The following CASQ2 variants were observed in gnomAD, a reference collection of about 807,000 sequenced individuals.
CASQ2 encodes calsequestrin 2.
Under a neutral mutation model 46.5 loss-of-function variants are expected in CASQ2, and 49 were observed. That is an observed-to-expected ratio of 1.05 (90% CI 0.84 to 1.34). CASQ2 has a LOEUF of 1.34. CASQ2 is among the 40% of genes most tolerant of loss of function. CASQ2 has a pLI of 0.00. For missense variants in CASQ2, 486 were observed against 481.3 expected (o/e 1.01, Z -0.09); for synonymous variants, 174 against 168.5 (o/e 1.03, Z -0.25).
intron 2 of CASQ2, 116 bp downstream of exon 2, chr1:115,744,712 T>C: frequency 4.1e-6 from 3 of 732,668 alleles, no homozygotes; most frequent in Non-Finnish European, 7.4e-6. Context: ...TGCAGGATCA[T>C]TTTATATATT....
chr1:115,742,514 C>T (rs1648221835), intron 2 of CASQ2, among the ~76,000 whole-genome samples: 1 of 152,128 alleles, frequency 6.6e-6, no homozygotes, highest in African/African-American at 2.4e-5. Context: ...ATCAAATAAC[C>T]GGAAGGAACC....
At chr1:115,749,086 C>A (rs1242934978) in intron 1 of CASQ2, among the ~76,000 whole-genome samples, 3 of 152,194 alleles carry the variant, frequency 2.0e-5, no homozygotes, top group African/African-American at 7.2e-5. Flanking sequence ...TCAGCACATC[C>A]AAAGTGATAT....
intron 8 of CASQ2, among the ~76,000 whole-genome samples, chr1:115,709,884 C>G (rs950437635): frequency 6.6e-6 from 1 of 152,130 alleles, no homozygotes; most frequent in Non-Finnish European, 1.5e-5. Flanking sequence ...GCTCTGTTCC[C>G]CAGGCTGAAA....
chr1:115,710,953 C>T (rs563925437), intron 8 of CASQ2, among the ~76,000 whole-genome samples: 2 of 152,142 alleles, frequency 1.3e-5, no homozygotes, highest in Non-Finnish European at 2.9e-5. Flanking sequence ...GGGAATGAGC[C>T]TTCACCAAGC....
At chr1:115,702,887 G>T (rs780781062) in intron 10 of CASQ2, 34 bp downstream of exon 10, 2 of 1,527,828 alleles carry the variant, frequency 1.3e-6, no homozygotes, top group Non-Finnish European at 1.8e-6. Context: ...GCAGGCCAAG[G>T]GTGCCTGAGC....
intron 3 of CASQ2, among the ~76,000 whole-genome samples, chr1:115,738,547 C>T (rs1003977669): frequency 1.3e-5 from 2 of 152,134 alleles, no homozygotes; most frequent in Non-Finnish European, 2.9e-5. Flanking sequence ...TTGGTGGGGG[C>T]AACCTATTCC....
At chr1:115,704,755 C>T (rs553473878) in intron 9 of CASQ2, among the ~76,000 whole-genome samples, 2 of 152,322 alleles carry the variant, frequency 1.3e-5, no homozygotes, top group South Asian at 2.1e-4. Flanking sequence ...ACATGACAGG[C>T]ACGCTCGCTT....
At chr1:115,726,945 A>G (rs1300580035) in intron 6 of CASQ2, 47 bp downstream of exon 6, 2 of 1,411,682 alleles carry the variant, frequency 1.4e-6, no homozygotes, top group South Asian at 1.2e-5. Flanking sequence ...GCTCCTCTCC[A>G]TTCCCCAGAC....
chr1:115,732,570 G>A (rs1647826079), intron 5 of CASQ2, among the ~76,000 whole-genome samples: 1 of 152,144 alleles, frequency 6.6e-6, no homozygotes, highest in South Asian at 2.1e-4. Flanking sequence ...GAAGGGAGAG[G>A]ATACCCCCTA....
At chr1:115,728,526 A>G (rs1461244337) in intron 5 of CASQ2, among the ~76,000 whole-genome samples, 1 of 152,156 alleles carries the variant, frequency 6.6e-6, no homozygotes, top group African/African-American at 2.4e-5. Context: ...CAAGAAAATG[A>G]CATTGAATTC....
At chr1:115,704,315 G>A (rs1247389773) in intron 9 of CASQ2, among the ~76,000 whole-genome samples, 3 of 152,218 alleles carry the variant, frequency 2.0e-5, no homozygotes, top group African/African-American at 4.8e-5. Context: ...ACCTAAAGCA[G>A]TCGGTAGACC....
intron 3 of CASQ2, among the ~76,000 whole-genome samples, 165 bp downstream of exon 3, chr1:115,740,563 G>A (rs541253841): frequency 1.3e-5 from 2 of 152,314 alleles, no homozygotes; most frequent in South Asian, 2.1e-4. Flanking sequence ...TCCCAGTAGA[G>A]TAGACAGTGC....
rs1467470359 is a variant in CASQ2, at chr1:115,701,282, C to T, written c.1159G>A (p.Glu387Lys). The change falls in exon 11 of 11, where the codon GAA (glutamate) becomes AAA (lysine). Residue 387 changes from glutamate (E) to lysine (K), a missense_variant. Physicochemically the swap from Glu to Lys is moderately conservative, Grantham distance 56. Transcript: ENST00000261448. ...EDDDDDDNSD[E>K]EDNDDSDDDD... ...TCATCACTGTCATCATTATCCTCTT[C>T]ATCAGAATTATCATCATCATCATCA... 6 of 1,601,990 alleles carry T rather than the reference C, an allele frequency of 3.7e-6. No homozygotes were observed. The highest frequency in any genetic ancestry group is 1.1e-5 in the South Asian group (1 of 90,778).
chr1:115,744,345 T>C (rs1019259380), intron 2 of CASQ2, among the ~76,000 whole-genome samples: 14 of 152,176 alleles, frequency 9.2e-5, no homozygotes, highest in Non-Finnish European at 8.8e-5. Flanking sequence ...TTGGTGATAA[T>C]GCCCAACTGG....
chr1:115,708,080 T>C (rs897420842), intron 8 of CASQ2, among the ~76,000 whole-genome samples: 6 of 152,220 alleles, frequency 3.9e-5, no homozygotes, highest in Non-Finnish European at 4.4e-5. Flanking sequence ...ACCTACTACG[T>C]TCCTATTTGA....
chr1:115,754,737 A>G (rs760517756), intron 1 of CASQ2, among the ~76,000 whole-genome samples: 1 of 152,204 alleles, frequency 6.6e-6, no homozygotes, highest in Non-Finnish European at 1.5e-5. Context: ...TTTGCAACTT[A>G]TCAGCTGTGA....
At position 115,744,823 on chromosome 1, in the gene CASQ2, CTT is replaced by C; in HGVS notation, c.319+3_319+4del. ...CACATACAGTATCTCAAAAATCACA[CTT>C]ACCCAGTTTCTTGGCAAGCTTGGCT... On this transcript the variant is annotated splice_donor_region_variant and intron_variant, in intron 2 of 10. Coordinates refer to ENST00000261448, the MANE Select transcript of CASQ2 (RefSeq NM_001232.4). 1 of 1,606,890 alleles carries C rather than the reference CTT, an allele frequency of 6.2e-7. No individual in the cohort carries two copies. The highest frequency in any genetic ancestry group is 8.5e-7 in the Non-Finnish European group (1 of 1,173,464).
At chr1:115,750,705 G>A (rs918804735) in intron 1 of CASQ2, among the ~76,000 whole-genome samples, 1 of 152,148 alleles carries the variant, frequency 6.6e-6, no homozygotes, top group Non-Finnish European at 1.5e-5. Flanking sequence ...ATAGGGTCTT[G>A]CTTTGTTGCC....
At chr1:115,754,100 A>G (rs996086638) in intron 1 of CASQ2, among the ~76,000 whole-genome samples, 7 of 152,186 alleles carry the variant, frequency 4.6e-5, no homozygotes, top group Non-Finnish European at 1.0e-4. Context: ...CCCTGAAACC[A>G]GAGAGCCGAC....
Sources: allele counts gnomAD v4.1 joint callset (sites outside exome capture counted in the v4.1 genomes callset), GRCh38; gene constraint gnomAD v4.1.1; transcripts MANE v1.5; gene names NCBI Gene and HGNC (gene_info 2026-07-23, HGNC 2026-07-21).